Variants in DGKD observed in about 807,000 individuals in gnomAD.
DGKD encodes the protein DAG kinase delta.
In DGKD, 68 loss-of-function variants were observed where a neutral mutation model predicts 154.4. The ratio of observed to expected loss-of-function variants is 0.44; its 90% confidence interval spans 0.36 to 0.54. The LOEUF is 0.54. DGKD is among the 20% of genes least tolerant of loss of function. The probability of loss-of-function intolerance (pLI) is 0.00; values close to 1 mark genes in which losing one functional copy is unlikely to be tolerated. For missense variants in DGKD, 1,343 were observed against 1,593.6 expected (o/e 0.84, Z 2.68); for synonymous variants, 693 against 638.0 (o/e 1.09, Z -1.30).
At chr2:233,367,851 C>CTTTT (rs66652929) in intron 1 of DGKD, among the ~76,000 whole-genome samples, 75 of 124,062 alleles carry the variant, frequency 6.0e-4, no homozygotes, top group East Asian at 4.1e-3. Flanking sequence ...TTTTTTTTTT[C>CTTTT]TTTTTTTTTT....
intron 3 of DGKD, among the ~76,000 whole-genome samples, chr2:233,418,158 A>G (rs1450070792): frequency 2.0e-5 from 3 of 152,194 alleles, no homozygotes; most frequent in Non-Finnish European, 2.9e-5. Context: ...GTGACATACC[A>G]TTGTGTGAGC....
intron 3 of DGKD, among the ~76,000 whole-genome samples, chr2:233,425,790 C>T (rs1222993867): frequency 6.6e-6 from 1 of 152,178 alleles, no homozygotes; most frequent in African/African-American, 2.4e-5. Flanking sequence ...TCTCTACCAG[C>T]CTTATATTGA....
At chr2:233,428,345 T>C (rs998989718) in intron 3 of DGKD, among the ~76,000 whole-genome samples, 1 of 152,164 alleles carries the variant, frequency 6.6e-6, no homozygotes, top group Non-Finnish European at 1.5e-5. Context: ...TTCTGACTTA[T>C]TTGGTGGGAC....
intron 3 of DGKD, chr2:233,429,076 C>T (rs2062417642): frequency 1.6e-5 from 16 of 978,926 alleles, no homozygotes; most frequent in Non-Finnish European, 1.9e-5. Context: ...TGCCCAATAC[C>T]CACAAAGCAA....
chr2:233,447,184 C>T (rs1037868183), intron 12 of DGKD, among the ~76,000 whole-genome samples: 10 of 81,044 alleles, frequency 1.2e-4, no homozygotes, highest in Non-Finnish European at 2.3e-4. Context: ...TGCCGCGGCT[C>T]TCCCCTAGCC....
intron 27 of DGKD, among the ~76,000 whole-genome samples, chr2:233,465,134 TCAG>T (rs1485526315): frequency 1.3e-5 from 2 of 152,138 alleles, no homozygotes; most frequent in Non-Finnish European, 2.9e-5. Context: ...TGGATGAAAC[TCAG>T]CAGCTTCTCA....
At chr2:233,383,044 C>CTTT (rs1295590779) in intron 1 of DGKD, among the ~76,000 whole-genome samples, 2 of 141,562 alleles carry the variant, frequency 1.4e-5, no homozygotes, top group Admixed American at 7.1e-5. Flanking sequence ...TTCTTTCTTT[C>CTTT]TTTTTTTTTT....
At chr2:233,424,674 G>C (rs774351810) in intron 3 of DGKD, among the ~76,000 whole-genome samples, 32 of 152,158 alleles carry the variant, frequency 2.1e-4, no homozygotes, top group Non-Finnish European at 1.2e-4. Context: ...GCTCCGCCTG[G>C]AGCCCCCCTG....
In DGKD at chr2:233,458,461, G is replaced by A; in HGVS notation, c.2694+64G>A. 7.6e-7 allele frequency: 1 copy of A among 1,318,570 alleles called. No individual in the cohort carries two copies. The allele number at this position is 1,318,570 out of a possible 1,614,324, so 81.7% of individuals were successfully genotyped here. On this transcript the variant is annotated intron_variant, in intron 22 of 29. Transcript: ENST00000264057. This position sits in a 1 kb window ranked among gnomAD's most constrained non-coding sequence, Gnocchi z 6.6. ...AGCCCGGAGTGTGCTAAATTCTGGG[G>A]CAGTGCATGGAGCCTGGGAGGGTGG...
At chr2:233,442,086 G>A (rs774857742) in intron 10 of DGKD, 91 bp downstream of exon 10, 14 of 1,162,788 alleles carry the variant, frequency 1.2e-5, no homozygotes, top group Non-Finnish European at 1.8e-5. Context: ...TCATCTCGGA[G>A]CACCTGTTCT....
chr2:233,357,659 C>T (rs1342942280), intron 1 of DGKD, among the ~76,000 whole-genome samples: 2 of 151,858 alleles, frequency 1.3e-5, no homozygotes, highest in Non-Finnish European at 2.9e-5. Flanking sequence ...GCCTCAGCCT[C>T]CCAAGTAGCT....
intron 12 of DGKD, among the ~76,000 whole-genome samples, chr2:233,447,297 C>A (rs1318496513): frequency 6.6e-6 from 1 of 152,202 alleles, no homozygotes; most frequent in Non-Finnish European, 1.5e-5. Flanking sequence ...GTGATTGTTA[C>A]TGTTGTGTTT....
At chr2:233,413,883 T>C (rs1183674289) in intron 3 of DGKD, among the ~76,000 whole-genome samples, 1 of 152,234 alleles carries the variant, frequency 6.6e-6, no homozygotes, top group East Asian at 1.9e-4. Flanking sequence ...TTTTAAAATA[T>C]TAAAACCTAT....
chr2:233,409,948 G>C (rs775840425), intron 3 of DGKD, among the ~76,000 whole-genome samples: 15 of 152,130 alleles, frequency 9.9e-5, no homozygotes, highest in Non-Finnish European at 1.8e-4. Context: ...GTGTTAATCA[G>C]TGCTGGACTT....
intron 28 of DGKD, 100 bp downstream of exon 28, chr2:233,467,303 C>T (rs2063853810): frequency 1.2e-6 from 1 of 820,970 alleles, no homozygotes; most frequent in African/African-American, 1.7e-5. Flanking sequence ...TGCAGCTCCT[C>T]CCTCTTGGTC....
intron 1 of DGKD, among the ~76,000 whole-genome samples, chr2:233,373,232 C>T (rs927163211): frequency 2.6e-5 from 4 of 151,986 alleles, no homozygotes; most frequent in Admixed American, 6.6e-5. Flanking sequence ...AATAAAGAGG[C>T]GAAGCTGTGT....
intron 1 of DGKD, among the ~76,000 whole-genome samples, chr2:233,380,277 C>G (rs1287832911): frequency 6.6e-6 from 1 of 152,174 alleles, no homozygotes; most frequent in Non-Finnish European, 1.5e-5. Context: ...GTGTGGAGGC[C>G]TGGCCCCTGG....
chr2:233,362,662 AAAAG>A (rs1243199208), intron 1 of DGKD, among the ~76,000 whole-genome samples: 6 of 152,218 alleles, frequency 3.9e-5, no homozygotes, highest in African/African-American at 1.4e-4. Context: ...AAATAGAAAA[AAAAG>A]AAAGAAAAGT....
Position 233,438,680 on chromosome 2 carries a change from C to G in DGKD, c.1085+301C>G, listed in dbSNP as rs945453139. Among the ~76,000 whole-genome samples, 3 of 152,222 alleles carry G rather than the reference C, an allele frequency of 2.0e-5. No individual in the cohort carries two copies. The highest frequency in any genetic ancestry group is 4.8e-5 in the African/African-American group (2 of 41,458). On this transcript the variant is annotated intron_variant, in intron 9 of 29. Coordinates refer to ENST00000264057, the MANE Select transcript of DGKD (RefSeq NM_152879.3). This position sits in a 1 kb window ranked among gnomAD's most constrained non-coding sequence, Gnocchi z 4.1. ...TTACCTGCCGTTGCACAAATGCCTT[C>G]TGTATGTGTCTGCATACAACGTTGT...
Sources: gnomAD v4.1 joint callset for allele counts (sites outside exome capture counted in the v4.1 genomes callset) on GRCh38, gnomAD v4.1.1 for gene constraint, Gnocchi (gnomAD v3.1) non-coding constraint, MANE v1.5 for transcripts, NCBI Gene and HGNC (gene_info 2026-07-23, HGNC 2026-07-21) for gene names.